Variants in THSD4 observed in about 807,000 individuals in gnomAD.
The protein encoded by THSD4 is thrombospondin type 1 domain containing 4, also known as thrombospondin type-1 domain-containing protein 4.
THSD4 carries 69 observed loss-of-function variants against 119.0 expected under a neutral mutation model. The observed-to-expected ratio is 0.58, with a 90% CI of 0.48 to 0.71. THSD4 has a LOEUF of 0.71. Among genes scored for constraint, THSD4 ranks in the 30% least tolerant of loss-of-function variants. The pLI, the probability that THSD4 is intolerant of heterozygous loss-of-function variation, is 0.00. For missense variants in THSD4, 1,393 were observed against 1,391.1 expected, an observed-to-expected ratio of 1.00 and a Z score of -0.02; for synonymous variants, 524 against 540.4, an observed-to-expected ratio of 0.97 and a Z score of 0.42.
intron 4 of THSD4, 40 bp from the exon 5 acceptor site, chr15:71,242,609 C>T (rs901588326): frequency 1.3e-6 from 2 of 1,586,932 alleles, no homozygotes; most frequent in East Asian, 2.2e-5. Flanking sequence ...TGAAATTCAT[C>T]CGACTCTGAT....
intron 11 of THSD4, among the ~76,000 whole-genome samples, chr15:71,742,540 A>G (rs928498458): frequency 6.6e-6 from 1 of 152,140 alleles, no homozygotes; most frequent in African/African-American, 2.4e-5. Flanking sequence ...TTTGATCAAC[A>G]TGTCCGCATA....
chr15:71,608,245 T>TAA (rs1290956246), intron 7 of THSD4, among the ~76,000 whole-genome samples: 1 of 77,572 alleles, frequency 1.3e-5, no homozygotes, highest in Admixed American at 1.6e-4. Flanking sequence ...AAAATATATA[T>TAA]ATATACACAC....
At chr15:71,478,017 G>A (rs1392401950) in intron 7 of THSD4, among the ~76,000 whole-genome samples, 4 of 152,240 alleles carry the variant, frequency 2.6e-5, no homozygotes, top group African/African-American at 7.2e-5. Context: ...GCAAGAAGCA[G>A]ACCTGTGCAA....
chr15:71,520,940 T>G (rs2048431161), intron 7 of THSD4, among the ~76,000 whole-genome samples: 1 of 152,180 alleles, frequency 6.6e-6, no homozygotes, highest in Admixed American at 6.5e-5. Context: ...AATGAGTGAT[T>G]GTAGCAACAC....
intron 7 of THSD4, among the ~76,000 whole-genome samples, chr15:71,480,657 G>A (rs572403087): frequency 7.9e-5 from 12 of 152,296 alleles, no homozygotes; most frequent in Non-Finnish European, 1.5e-4. Flanking sequence ...TTCTCATCGC[G>A]TTGCCAGCTA....
At chr15:71,457,139 G>T (rs1014923736) in intron 7 of THSD4, among the ~76,000 whole-genome samples, 1 of 152,164 alleles carries the variant, frequency 6.6e-6, no homozygotes, top group African/African-American at 2.4e-5. Flanking sequence ...CCAGCAATTT[G>T]GGAGGCTGAG....
At chr15:71,774,748 G>A (rs1254546524) in intron 17 of THSD4, among the ~76,000 whole-genome samples, 1 of 150,626 alleles carries the variant, frequency 6.6e-6, no homozygotes, top group African/African-American at 2.5e-5. Flanking sequence ...CGGCACCTCA[G>A]CCTGAGCAAC....
chr15:71,152,693 G>A (rs936432690), intron 2 of THSD4, among the ~76,000 whole-genome samples: 1 of 152,134 alleles, frequency 6.6e-6, no homozygotes, highest in Non-Finnish European at 1.5e-5. Flanking sequence ...GGTGTTCCTT[G>A]TAATCTGGTG....
chr15:71,285,805 A>G lies in THSD4; in HGVS notation c.1015+29090A>G, dbSNP rs1248196726. On this transcript the variant is annotated intron_variant, in intron 6 of 17. Transcript: ENST00000261862. ...GGAGGCAGAGGTTGCAGTGAGCCGA[A>G]ATTGTGCTACTGCACTCCAGCCTGG... is the stretch of plus-strand genomic sequence containing the variant. 3.0e-5 allele frequency among the ~76,000 whole-genome samples: 4 copies of G among 132,582 alleles called. No individual in the cohort carries two copies. In the East Asian group the frequency reaches 7.7e-4, roughly 26 times the overall value. 87.0% of individuals were successfully genotyped at this position (132,582 alleles called of 152,430 possible). A position where few individuals can be genotyped will look rare whatever the true frequency, so the allele number is the denominator to read the frequency against.
chr15:71,191,020 T>C (rs2043667287), intron 3 of THSD4, among the ~76,000 whole-genome samples: 1 of 152,176 alleles, frequency 6.6e-6, no homozygotes, highest in African/African-American at 2.4e-5. Flanking sequence ...TTCTTCTCTT[T>C]GTTCTCCCTG....
At chr15:71,368,030 G>A (rs2045988939) in intron 6 of THSD4, among the ~76,000 whole-genome samples, 1 of 152,098 alleles carries the variant, frequency 6.6e-6, no homozygotes. Flanking sequence ...TTCTCTGATG[G>A]CCAGTGATGA....
intron 11 of THSD4, among the ~76,000 whole-genome samples, chr15:71,740,933 C>G (rs1220645630): frequency 6.6e-6 from 1 of 152,172 alleles, no homozygotes; most frequent in Non-Finnish European, 1.5e-5. Context: ...TCTGTCCCAG[C>G]CCTGCTTGGC....
intron 5 of THSD4, among the ~76,000 whole-genome samples, chr15:71,249,105 A>G (rs1042354745): frequency 2.0e-5 from 3 of 151,884 alleles, no homozygotes; most frequent in African/African-American, 7.3e-5. Context: ...CTTTTCATAC[A>G]TATATATATA....
intron 3 of THSD4, among the ~76,000 whole-genome samples, chr15:71,158,597 C>A (rs1032636174): frequency 5.4e-5 from 8 of 149,032 alleles, no homozygotes; most frequent in African/African-American, 1.5e-4. Flanking sequence ...TGTATGTTTT[C>A]TTTTGATAAA....
intron 7 of THSD4, among the ~76,000 whole-genome samples, chr15:71,483,827 TGTAA>T (rs764445935): frequency 6.0e-5 from 9 of 150,026 alleles, no homozygotes; most frequent in Middle Eastern, 6.8e-3. Context: ...AGCTCCCACT[TGTAA>T]GTGAGAACAT....
At chr15:71,315,739 C>G (rs574618421) in intron 6 of THSD4, among the ~76,000 whole-genome samples, 8 of 152,240 alleles carry the variant, frequency 5.3e-5, no homozygotes, top group African/African-American at 1.9e-4. Flanking sequence ...AGGAATGACT[C>G]CCTTGTTCAA....
intron 7 of THSD4, among the ~76,000 whole-genome samples, chr15:71,652,982 T>G (rs1008098636): frequency 6.6e-6 from 1 of 152,206 alleles, no homozygotes; most frequent in Admixed American, 6.5e-5. Context: ...ATTCTTCATA[T>G]CAGGGCTGTA....
At position 71,294,629 on chromosome 15, in the gene THSD4, G is replaced by A. The variant is rs1034346354; in HGVS notation, c.1015+37914G>A. On this transcript the variant is annotated intron_variant, in intron 6 of 17. Transcript: ENST00000261862. ...CGGTAACCTACTCTTACTCCACAAT[G>A]TCTATATTCACTGCAGGGCTCTATG... Among the ~76,000 whole-genome samples the A allele has an allele frequency of 1.1e-4, 16 of 152,260 alleles. No individual in the cohort carries two copies. The Middle Eastern group carries it at 0.014, about 129-fold the overall frequency.
chr15:71,112,043 A>G, upstream of THSD4: 2 of 1,537,784 alleles, frequency 1.3e-6, no homozygotes, highest in African/African-American at 1.4e-5. Context: ...CCTTCCTGTA[A>G]TCTGTTCACA....
Sources: allele counts gnomAD v4.1 joint callset (sites outside exome capture counted in the v4.1 genomes callset), GRCh38; gene constraint gnomAD v4.1.1; transcripts MANE v1.5; gene names NCBI Gene and HGNC (gene_info 2026-07-23, HGNC 2026-07-21).